RAB6A: variants seen among roughly 807,000 people sequenced by gnomAD.
RAB6A encodes ras-related protein Rab-6A.
In RAB6A, 8 loss-of-function variants were observed where a neutral mutation model predicts 32.3. The observed-to-expected ratio is 0.25, with a 90% CI of 0.15 to 0.45. RAB6A has a LOEUF of 0.45. Among genes scored for constraint, RAB6A ranks in the 20% least tolerant of loss-of-function variants. The probability of loss-of-function intolerance (pLI) is 1.00; values close to 1 mark genes in which losing one functional copy is unlikely to be tolerated. For synonymous variants in RAB6A, 73 were observed against 82.1 expected, an observed-to-expected ratio of 0.89 and a Z score of 0.60; for missense variants, 104 against 249.4, an observed-to-expected ratio of 0.42 and a Z score of 3.93.
intron 6 of RAB6A, among the ~76,000 whole-genome samples, chr11:73,692,381 T>C (rs1945581328): frequency 6.6e-6 from 1 of 150,596 alleles, no homozygotes; most frequent in Non-Finnish European, 1.5e-5. Context: ...CAGGCGCCTG[T>C]AGTCCCAGCT....
At chr11:73,679,759 A>G (rs763661083) in intron 6 of RAB6A, 39 bp from the exon 7 acceptor site, 1 of 1,610,972 alleles carries the variant, frequency 6.2e-7, no homozygotes, top group Non-Finnish European at 8.5e-7. Context: ...GAGAGGGAAC[A>G]TTTAGCAAAG....
intron 1 of RAB6A, among the ~76,000 whole-genome samples, chr11:73,744,671 T>C (rs149064913): frequency 6.6e-6 from 1 of 151,844 alleles, no homozygotes; most frequent in East Asian, 1.9e-4. Flanking sequence ...AATATTCCAG[T>C]GGAAAGTTCA....
At chr11:73,755,481 C>T (rs562801456) in intron 1 of RAB6A, among the ~76,000 whole-genome samples, 3 of 151,924 alleles carry the variant, frequency 2.0e-5, no homozygotes, top group South Asian at 4.2e-4. Flanking sequence ...TTAGTAGAAA[C>T]GGGGTTTCGC....
chr11:73,736,823 A>AAC (rs1555066479), intron 1 of RAB6A, among the ~76,000 whole-genome samples: 4 of 146,148 alleles, frequency 2.7e-5, no homozygotes, highest in Non-Finnish European at 6.0e-5. Flanking sequence ...AAAAAAAAAA[A>AAC]AAACAATTAG....
At chr11:73,758,378 G>T (rs1289908708) in intron 1 of RAB6A, among the ~76,000 whole-genome samples, 1 of 152,110 alleles carries the variant, frequency 6.6e-6, no homozygotes, top group Admixed American at 6.5e-5. Flanking sequence ...GTTAACAAAT[G>T]TGCCATACTA....
chr11:73,749,786 C>T (rs1590891617), intron 1 of RAB6A, among the ~76,000 whole-genome samples: 1 of 152,118 alleles, frequency 6.6e-6, no homozygotes, highest in African/African-American at 2.4e-5. Context: ...TGCTTAAGCC[C>T]AGGAGTTTGA....
intron 2 of RAB6A, among the ~76,000 whole-genome samples, chr11:73,722,058 T>TATATATATATATATATATATATA (rs1270436615): frequency 9.5e-5 from 14 of 147,768 alleles, no homozygotes; most frequent in Middle Eastern, 3.5e-3. Context: ...TCTGCCATGA[T>TATATATATATATATATATATATA]TGTAAGTTTC....
intron 1 of RAB6A, among the ~76,000 whole-genome samples, chr11:73,739,287 AT>A (rs1946456880): frequency 9.3e-5 from 6 of 64,438 alleles, no homozygotes; most frequent in African/African-American, 3.0e-4. Flanking sequence ...AAAAAAAAAT[AT>A]ATATATATAT....
intron 5 of RAB6A, among the ~76,000 whole-genome samples, chr11:73,715,080 C>T (rs965957089): frequency 6.6e-6 from 1 of 152,164 alleles, no homozygotes; most frequent in African/African-American, 2.4e-5. Flanking sequence ...GATGCAATCA[C>T]TTTGAATTTA....
intron 5 of RAB6A, 81 bp from the exon 6 acceptor site, chr11:73,707,594 C>T: frequency 1.1e-5 from 12 of 1,074,458 alleles, no homozygotes; most frequent in South Asian, 6.9e-5. Flanking sequence ...CTGAAAATAA[C>T]TTTCCTTGAT....
chr11:73,747,464 C>CA (rs1469203397), intron 1 of RAB6A, among the ~76,000 whole-genome samples: 16 of 146,630 alleles, frequency 1.1e-4, no homozygotes, highest in African/African-American at 3.7e-4. Flanking sequence ...CCCGGCCTCC[C>CA]AAGTGCTGGG....
At chr11:73,717,244 T>C (rs564093010) in intron 4 of RAB6A, among the ~76,000 whole-genome samples, 10 of 152,350 alleles carry the variant, frequency 6.6e-5, no homozygotes, top group African/African-American at 2.4e-4. Flanking sequence ...CAATTCCTAA[T>C]TGAGGAGATA....
rs907796434 is a variant in RAB6A at position 73,758,435 on chromosome 11, G to A, written c.70+2131C>T. 4.6e-5 allele frequency among the ~76,000 whole-genome samples: 7 copies of A among 152,064 alleles called. No homozygotes were observed. In the South Asian group the frequency reaches 1.0e-3, roughly 22 times the overall value. Reference sequence around the variant, plus strand: ...GGAAACTAGATGTGTGGGTATATGGGAACTCTACACTATCTTTTCAATTTT... The same window carrying A: ...GGAAACTAGATGTGTGGGTATATGGAAACTCTACACTATCTTTTCAATTTT... On this transcript the variant is annotated intron_variant, in intron 1 of 7. Transcript: ENST00000336083.
Position 73,677,849 on chromosome 11 carries a change from G to A in RAB6A, c.*49C>T, listed in dbSNP as rs758380316. ...ACACTGCAGTCAATGAAAGAGTAAG[G>A]GGGCCAAAGCAGTGAGCTTCTGAAG... On this transcript the variant is annotated 3_prime_UTR_variant, in exon 8 of 8. Transcript: ENST00000336083. The A allele has an allele frequency of 1.2e-6, 2 of 1,612,174 alleles. No individual in the cohort carries two copies. Among genetic ancestry groups the A allele is most frequent in the Admixed American group, 3.3e-5 (2 of 60,002 alleles).
At chr11:73,751,430 G>A (rs931602259) in intron 1 of RAB6A, among the ~76,000 whole-genome samples, 5 of 152,132 alleles carry the variant, frequency 3.3e-5, no homozygotes, top group South Asian at 2.1e-4. Flanking sequence ...ATTTTAAACC[G>A]ACAATGGGGA....
intron 2 of RAB6A, among the ~76,000 whole-genome samples, chr11:73,725,836 G>T (rs1222324163): frequency 2.0e-5 from 3 of 152,128 alleles, no homozygotes; most frequent in African/African-American, 7.2e-5. Flanking sequence ...TAAGACAGAA[G>T]ACACAGGACC....
At position 73,723,077 on chromosome 11, in the gene RAB6A, AG is replaced by A. The variant is rs1170639049; in HGVS notation, c.130-2179del. 2.6e-5 allele frequency among the ~76,000 whole-genome samples: 4 copies of A among 151,874 alleles called. No individual in the cohort carries two copies. The East Asian group carries it at 5.9e-4, about 22-fold the overall frequency. ...CCCGACCTCGGCCTCCCAAAGTGCC[AG>A]GATTATAGGCATGAGCCAATGTGCC... On this transcript the variant is annotated intron_variant, in intron 2 of 7. Transcript: ENST00000336083.
chr11:73,732,483 C>T (rs985676675), intron 1 of RAB6A, among the ~76,000 whole-genome samples: 4 of 152,184 alleles, frequency 2.6e-5, no homozygotes, highest in African/African-American at 4.8e-5. Context: ...CTACTTGGGA[C>T]GCTGAGGCAG....
chr11:73,694,879 G>T (rs1245361656), intron 6 of RAB6A, among the ~76,000 whole-genome samples: 2 of 152,158 alleles, frequency 1.3e-5, no homozygotes, highest in Non-Finnish European at 2.9e-5. Flanking sequence ...AGCTGGGCAT[G>T]GTGGCACACG....
Sources: gnomAD v4.1 joint callset for allele counts (sites outside exome capture counted in the v4.1 genomes callset) on GRCh38, gnomAD v4.1.1 for gene constraint, MANE v1.5 for transcripts, NCBI Gene and HGNC (gene_info 2026-07-23, HGNC 2026-07-21) for gene names.